The following TULP1 variants were observed in gnomAD, a reference collection of about 807,000 sequenced individuals.
TULP1 encodes TUB like protein 1.
A neutral mutation model predicts 67.1 loss-of-function variants in TULP1; 50 were observed. The ratio of observed to expected loss-of-function variants is 0.75; its 90% CI spans 0.59 to 0.94. The LOEUF (loss-of-function observed/expected upper bound fraction) is 0.94, where lower values mean the gene tolerates loss of function less well. Ranked by LOEUF, TULP1 falls within the 40% of genes least tolerant of loss-of-function variation. TULP1 has a pLI of 0.00. For synonymous variants in TULP1, 297 were observed against 294.0 expected (o/e 1.01, Z -0.11); for missense variants, 746 against 734.1 (o/e 1.02, Z -0.19).
In TULP1 at chr6:35,498,157, G is replaced by T; in HGVS notation, c.*170C>A. ...CCGCCGTCCGGGCTCCTCCTGCCTC[G>T]GCCTGTGCCAGGCTGGGGAGAGGAC... On this transcript the variant is annotated 3_prime_UTR_variant, in exon 15 of 15. Coordinates refer to ENST00000229771, the MANE Select transcript of TULP1 (RefSeq NM_003322.6). This position sits in a 1 kb window ranked among gnomAD's most constrained non-coding sequence, Gnocchi z 6.7. 1 of 1,132,462 alleles carries T rather than the reference G, an allele frequency of 8.8e-7. No homozygotes were observed. Among genetic ancestry groups the T allele is most frequent in the Admixed American group, 2.6e-5 (1 of 38,392 alleles). 70.2% of individuals were successfully genotyped at this position (1,132,462 alleles called of 1,614,324 possible).
intron 2 of TULP1, 140 bp downstream of exon 2, chr6:35,512,499 T>C (rs1220006767): frequency 1.7e-6 from 2 of 1,184,064 alleles, no homozygotes; most frequent in East Asian, 2.4e-5. Flanking sequence ...CAAACAGCCC[T>C]TTCTCCCCCC....
Position 35,512,286 on chromosome 6 carries a change from CAA to C in TULP1, c.100-18_100-17del, listed in dbSNP as rs1202666248. On this transcript the variant is annotated splice_polypyrimidine_tract_variant and intron_variant, in intron 2 of 14. Coordinates refer to ENST00000229771, the MANE Select transcript of TULP1 (RefSeq NM_003322.6). ...GGGCGGGTCGCTGCGGAACGGGGGT[CAA>C]GAGGAGGTCGAGGAAGGAAAGGGGG... 2.9e-6 allele frequency: 4 copies of C among 1,367,042 alleles called. No individual in the cohort carries two copies. In the African/African-American group the frequency reaches 4.4e-5, roughly 15 times the overall value. The allele number at this position is 1,367,042 out of a possible 1,614,324, so 84.7% of individuals were successfully genotyped here.
intron 11 of TULP1, 65 bp downstream of exon 11, chr6:35,505,676 A>T: frequency 6.3e-7 from 1 of 1,596,502 alleles, no homozygotes; most frequent in Non-Finnish European, 8.5e-7. Flanking sequence ...ACAGCAGGAC[A>T]GAGATGACGG....
At position 35,511,712 on chromosome 6, in the gene TULP1, G is replaced by C. The variant is rs1250101174; in HGVS notation, c.285C>G (p.Pro95=). The C allele has an allele frequency of 3.1e-6, 5 of 1,592,916 alleles. No homozygotes were observed. Among genetic ancestry groups the C allele is most frequent in the Non-Finnish European group, 4.3e-6 (5 of 1,170,072 alleles). ...QTVYARFLRD[P]EAKKRDPRET... ...CCCGGGGGTCGCGCTTCTTGGCCTCGGGGTCCCTGAGGAACCTGGCGTAGA... is the reference window on the plus strand; with the variant it reads ...CCCGGGGGTCGCGCTTCTTGGCCTCCGGGTCCCTGAGGAACCTGGCGTAGA... Residue 95 remains proline, a synonymous_variant, in exon 4 of 15, where the codon CCC becomes CCG. Coordinates refer to ENST00000229771, the MANE Select transcript of TULP1 (RefSeq NM_003322.6).
chr6:35,497,981 C>A lies in TULP1; in HGVS notation c.*346G>T. ...CAGCTCCTCGGAGCCCTAGCGCGGT[C>A]CCGGGGAGAGGGGAGGTTAAAACAA... is the stretch of plus-strand genomic sequence containing the variant. On this transcript the variant is annotated 3_prime_UTR_variant, in exon 15 of 15. Coordinates refer to ENST00000229771, the MANE Select transcript of TULP1 (RefSeq NM_003322.6). 1 of 424,196 alleles carries A rather than the reference C, an allele frequency of 2.4e-6. No homozygotes were observed. The highest frequency in any genetic ancestry group is 4.4e-6 in the Non-Finnish European group (1 of 227,986). 26.3% of individuals were successfully genotyped at this position (424,196 alleles called of 1,614,324 possible). A position where few individuals can be genotyped will look rare whatever the true frequency, so the allele number is the denominator to read the frequency against.
chr6:35,506,394 C>T (rs1228494488), intron 8 of TULP1, 115 bp from the exon 9 acceptor site: 5 of 1,278,472 alleles, frequency 3.9e-6, no homozygotes, highest in African/African-American at 1.5e-5. Flanking sequence ...TTAGGAGGCT[C>T]TGGGGAGCTC....
chr6:35,510,306 G>A (rs1471302499), intron 5 of TULP1, among the ~76,000 whole-genome samples: 2 of 152,156 alleles, frequency 1.3e-5, no homozygotes, highest in Non-Finnish European at 2.9e-5. Flanking sequence ...TTAACAAGCA[G>A]TTCCCGAATG....
In TULP1 at chr6:35,510,951, C is replaced by G. The variant is rs1394261825; in HGVS notation, c.409G>C (p.Glu137Gln). ...TTCTTGGGAGGCAGAAGGATTTTCTCTTTCTTTTCCTCTGCCTCCTCTTCC... is the reference window on the plus strand; with the variant it reads ...TTCTTGGGAGGCAGAAGGATTTTCTGTTTCTTTTCCTCTGCCTCCTCTTCC... ...DEEEEAEEKK[E>Q]KILLPPKKPL... The change falls in exon 5 of 15, where the codon GAG becomes CAG. Residue 137 changes from glutamate to glutamine, a missense_variant. By Grantham distance (29) the Glu-to-Gln change is conservative. Coordinates refer to ENST00000229771, the MANE Select transcript of TULP1 (RefSeq NM_003322.6). 1.2e-6 allele frequency: 2 copies of G among 1,612,926 alleles called. No homozygotes were observed. Among genetic ancestry groups the G allele is most frequent in the African/African-American group, 2.7e-5 (2 of 74,910 alleles).
At chr6:35,500,503 C>T (rs1768816674) in intron 13 of TULP1, among the ~76,000 whole-genome samples, 1 of 152,178 alleles carries the variant, frequency 6.6e-6, no homozygotes, top group East Asian at 1.9e-4. Context: ...CTGCAAAGGG[C>T]ACACAGTTGA....
At chr6:35,512,157 C>T (rs1761221303) in intron 3 of TULP1, 23 bp downstream of exon 3, 1 of 1,329,850 alleles carries the variant, frequency 7.5e-7, no homozygotes, top group Non-Finnish European at 9.7e-7. Flanking sequence ...TGGGGGTCCA[C>T]CCGGGCTCTG....
Position 35,498,979 on chromosome 6 carries a change from A to T in TULP1, c.1496-519T>A, listed in dbSNP as rs920779723. On this transcript the variant is annotated intron_variant, in intron 14 of 14. Transcript: ENST00000229771. This position sits in a 1 kb window ranked among gnomAD's most constrained non-coding sequence, Gnocchi z 6.7. Reference sequence around the variant, plus strand: ...CCATAGGGACAGGAAGTTGCTAAAAATACCCCCAAACTCAGGTGGACGAGG... The same window carrying T: ...CCATAGGGACAGGAAGTTGCTAAAATTACCCCCAAACTCAGGTGGACGAGG... Among the ~76,000 whole-genome samples, 1 of 152,076 alleles carries T rather than the reference A, an allele frequency of 6.6e-6. No homozygotes were observed. Among genetic ancestry groups the T allele is most frequent in the Non-Finnish European group, 1.5e-5 (1 of 67,996 alleles).
chr6:35,512,232 C>A lies in TULP1; in HGVS notation c.138G>T (p.Thr46=). The change falls in exon 3 of 15, where the codon ACG becomes ACT. Residue 46 remains threonine (T), a synonymous_variant. Transcript: ENST00000229771. The part of the protein sequence containing the change: ...APAQRLRKKR[T]EAPESPCPTG... ...TGGGGCAGGGGGATTCGGGGGCCTC[C>A]GTCCTCTTCTTCCTTAGCCTCTGTG... 1.5e-6 allele frequency: 2 copies of A among 1,378,268 alleles called. No individual in the cohort carries two copies. The highest frequency in any genetic ancestry group is 1.9e-6 in the Non-Finnish European group (2 of 1,065,240). 85.4% of individuals were successfully genotyped at this position (1,378,268 alleles called of 1,614,324 possible). A position where few individuals can be genotyped will look rare whatever the true frequency, so the allele number is the denominator to read the frequency against.
chr6:35,511,717 C>T lies in TULP1; in HGVS notation c.280G>A (p.Asp94Asn). Residue 94 changes from aspartate (D) to asparagine (N), a missense_variant, in exon 4 of 15, where the codon GAC (aspartate) becomes AAC (asparagine). Coordinates refer to ENST00000229771, the MANE Select transcript of TULP1 (RefSeq NM_003322.6). Reference protein sequence around the residue: ...PQTVYARFLRDPEAKKRDPRE... With the variant: ...PQTVYARFLRNPEAKKRDPRE... Reference sequence around the variant, plus strand: ...GGGTCGCGCTTCTTGGCCTCGGGGTCCCTGAGGAACCTGGCGTAGACCGTC... The same window carrying T: ...GGGTCGCGCTTCTTGGCCTCGGGGTTCCTGAGGAACCTGGCGTAGACCGTC... 1 of 1,593,016 alleles carries T rather than the reference C, an allele frequency of 6.3e-7. No individual in the cohort carries two copies. Among genetic ancestry groups the T allele is most frequent in the Non-Finnish European group, 8.5e-7 (1 of 1,170,006 alleles).
At position 35,500,069 on chromosome 6, in the gene TULP1, G is replaced by A. The variant is rs142578700; in HGVS notation, c.1407C>T (p.Asn469=). ...TGAGGGTGTAGGAGCCACTGTCATC[G>A]TTCCAGACAGGTGGCTTGTTGTGCA... is the stretch of plus-strand genomic sequence containing the variant. ...IELHNKPPVW[N]DDSGSYTLNF... is the part of the protein sequence containing the mutation. Residue 469 remains asparagine, a synonymous_variant, in exon 14 of 15, where the codon AAC becomes AAT. Coordinates refer to ENST00000229771, the MANE Select transcript of TULP1 (RefSeq NM_003322.6). The A allele has an allele frequency of 1.5e-5, 24 of 1,614,170 alleles. No individual in the cohort carries two copies. The highest frequency in any genetic ancestry group is 1.1e-4 in the South Asian group (10 of 91,080).
chr6:35,505,843 A>G lies in TULP1; in HGVS notation c.1010T>C (p.Leu337Ser), dbSNP rs749227332. 7 of 1,614,172 alleles carry G rather than the reference A, an allele frequency of 4.3e-6. No homozygotes were observed. Among genetic ancestry groups the G allele is most frequent in the African/African-American group, 1.3e-5 (1 of 75,030 alleles). The change falls in exon 11 of 15, where the codon TTG (leucine) becomes TCG (serine). Residue 337 changes from leucine (L) to serine (S), a missense_variant. By Grantham distance (145) the Leu-to-Ser change is moderately radical. This residue lies in a region of TULP1 where 383 missense variants were observed against 374.1 expected (regional missense o/e 1.02). Coordinates refer to ENST00000229771, the MANE Select transcript of TULP1 (RefSeq NM_003322.6). ...HLDTEKKVFLLAGRKRKRSKT... is the reference protein window; with the variant it reads ...HLDTEKKVFLSAGRKRKRSKT... The stretch of plus-strand genomic sequence containing the variant: ...GCTCCGTTTTCGTTTCCTGCCAGCC[A>G]AGAGGAACACCTGGGGAAAAGGGGA...
chr6:35,507,710 C>T (rs905961594), intron 8 of TULP1, among the ~76,000 whole-genome samples: 1 of 152,166 alleles, frequency 6.6e-6, no homozygotes, highest in Admixed American at 6.5e-5. Flanking sequence ...CCAACAGAGG[C>T]AAGCATGGAC....
Position 35,503,624 on chromosome 6 carries a change from G to A in TULP1, c.1258C>T (p.Arg420Cys), listed in dbSNP as rs551519696. ...ATGCCAGGAATGATGACGGTCATGC[G>A]CCGGGGGCCACGGAAGCCCAGCACG... ...TNVLGFRGPR[R>C]MTVIIPGMSA... is the part of the protein sequence containing the mutation. The change falls in exon 13 of 15, where the codon CGC becomes TGC. Residue 420 changes from arginine (R) to cysteine (C), a missense_variant. Transcript: ENST00000229771. This position sits in a 1 kb window ranked among gnomAD's most constrained non-coding sequence, Gnocchi z 4.0. 6.9e-6 allele frequency: 11 copies of A among 1,599,190 alleles called. 1 individual carries two copies. Among genetic ancestry groups the A allele is most frequent in the Non-Finnish European group, 9.4e-6 (11 of 1,173,192 alleles).
chr6:35,511,495 T>G (rs1040509957), intron 4 of TULP1, among the ~76,000 whole-genome samples, 153 bp downstream of exon 4: 1 of 152,118 alleles, frequency 6.6e-6, no homozygotes, highest in Non-Finnish European at 1.5e-5. Context: ...AGTTGGTGCT[T>G]AGCACAATAC....
intron 5 of TULP1, among the ~76,000 whole-genome samples, chr6:35,510,174 C>A (rs1273021162): frequency 1.3e-5 from 2 of 152,058 alleles, no homozygotes; most frequent in East Asian, 3.8e-4. Context: ...GTGCCTCAGC[C>A]GCCCAAGTAG....
Sources: allele counts gnomAD v4.1 joint callset (sites outside exome capture counted in the v4.1 genomes callset), GRCh38; gene constraint gnomAD v4.1.1; regional missense constraint gnomAD v4.1.1; non-coding constraint Gnocchi (gnomAD v3.1); transcripts MANE v1.5; gene names NCBI Gene and HGNC (gene_info 2026-07-23, HGNC 2026-07-21).